Variants in IGDCC4 observed in about 807,000 individuals in gnomAD.
IGDCC4 encodes immunoglobulin superfamily DCC subclass member 4, also known as likely ortholog of mouse neighbor of Punc E11.
IGDCC4 carries 72 observed loss-of-function variants against 116.6 expected under a neutral mutation model. The ratio of observed to expected loss-of-function variants is 0.62; its 90% CI spans 0.51 to 0.75. IGDCC4 has a LOEUF of 0.75. Among genes scored for constraint, IGDCC4 ranks in the 30% least tolerant of loss-of-function variants. The pLI, the probability that IGDCC4 is intolerant of heterozygous loss-of-function variation, is 0.00. For synonymous variants in IGDCC4, 709 were observed against 719.9 expected, an observed-to-expected ratio of 0.98 and a Z score of 0.24; for missense variants, 1,501 against 1,662.4, an observed-to-expected ratio of 0.90 and a Z score of 1.69.
At chr15:65,391,079 A>C (rs900695896) in intron 12 of IGDCC4, among the ~76,000 whole-genome samples, 1 of 152,144 alleles carries the variant, frequency 6.6e-6, no homozygotes, top group Non-Finnish European at 1.5e-5. Flanking sequence ...CTAAAAATAC[A>C]AAAATTAGCC....
intron 1 of IGDCC4, among the ~76,000 whole-genome samples, chr15:65,415,606 G>A (rs773945074): frequency 6.6e-6 from 1 of 152,216 alleles, no homozygotes; most frequent in Non-Finnish European, 1.5e-5. Flanking sequence ...TGTGAAGCCT[G>A]AGAATCCTCA....
At position 65,402,422 on chromosome 15, in the gene IGDCC4, T is replaced by G; in HGVS notation, c.629A>C (p.Tyr210Ser). 2.6e-6 allele frequency: 4 copies of G among 1,567,974 alleles called. No homozygotes were observed. The highest frequency in any genetic ancestry group is 3.5e-6 in the Non-Finnish European group (4 of 1,155,672). Residue 210 changes from tyrosine (Y) to serine (S), a missense_variant, in exon 4 of 20, where the codon TAC (tyrosine) becomes TCC (serine). Tyr to Ser is a moderately radical substitution (Grantham distance 144). Around this residue, in one of 3 missense-constraint regions of IGDCC4, gnomAD observed 898 missense variants for 978.9 expected, o/e 0.92. Transcript: ENST00000352385. ...AGCTGAGTTGGTGGCCACGCAGCGG[T>G]AGGGGCCTGCATCACTCTCCTGAAC... ...LDVQESDAGP[Y>S]RCVATNSARQ...
In IGDCC4 at chr15:65,402,360, C is replaced by T. The variant is rs867802068; in HGVS notation, c.691G>A (p.Ala231Thr). 1.3e-6 allele frequency: 2 copies of T among 1,568,508 alleles called. No individual in the cohort carries two copies. Among genetic ancestry groups the T allele is most frequent in the African/African-American group, 1.4e-5 (1 of 73,926 alleles). Residue 231 changes from alanine to threonine, a missense_variant, in exon 4 of 20, where the codon GCC becomes ACC. Ala to Thr is a moderately conservative substitution (Grantham distance 58). Coordinates refer to ENST00000352385, the MANE Select transcript of IGDCC4 (RefSeq NM_020962.3). ...HFSQEALLSV[A>T]HRGSLASTRG... ...CAGCCAGCCCCCTTACCTCTGTGGG[C>T]CACACTGAGTAGGGCCTCCTGGCTG...
At chr15:65,391,487 G>A (rs116098040) in intron 12 of IGDCC4, among the ~76,000 whole-genome samples, 3,865 of 152,314 alleles carry the variant, frequency 0.025, 160 homozygotes, top group African/African-American at 0.088. Context: ...AGGTCACACA[G>A]GGATACTCAC....
chr15:65,422,258 C>T (rs2140249344), intron 1 of IGDCC4, among the ~76,000 whole-genome samples: 4 of 152,204 alleles, frequency 2.6e-5, no homozygotes, highest in Admixed American at 2.6e-4. Flanking sequence ...GCTCTGTCCC[C>T]CACTATGGGC....
At chr15:65,411,392 G>A in intron 1 of IGDCC4, 22 bp from the exon 2 acceptor site, 2 of 1,525,498 alleles carry the variant, frequency 1.3e-6, no homozygotes, top group Non-Finnish European at 8.8e-7. Flanking sequence ...AGGAGCACGG[G>A]GCCATCAGTG....
chr15:65,385,982 G>A lies in IGDCC4; in HGVS notation c.3029C>T (p.Pro1010Leu). ...CAATTCATGGGCAGCTGGGGGGCTG[G>A]GGGGGCCAAGCCGAGCTCTGGAGTA... is the stretch of plus-strand genomic sequence containing the variant. ...ALYSRARLGPPSPPAAHELES... is the reference protein window; with the variant it reads ...ALYSRARLGPLSPPAAHELES... The change falls in exon 18 of 20, where the codon CCC becomes CTC. Residue 1010 changes from proline (P) to leucine (L), a missense_variant. Pro to Leu is a moderately conservative substitution (Grantham distance 98, BLOSUM62 -3). Around this residue, in one of 3 missense-constraint regions of IGDCC4, gnomAD observed 368 missense variants for 355.6 expected, o/e 1.03. Coordinates refer to ENST00000352385, the MANE Select transcript of IGDCC4 (RefSeq NM_020962.3). The A allele has an allele frequency of 6.2e-7, 1 of 1,600,480 alleles. No individual in the cohort carries two copies. Among genetic ancestry groups the A allele is most frequent in the Non-Finnish European group, 8.5e-7 (1 of 1,174,120 alleles).
chr15:65,401,775 G>A lies in IGDCC4; in HGVS notation c.700+576C>T, dbSNP rs116824803. Reference sequence around the variant, plus strand: ...AGCTGGGCATTTGATAAGGAGCCCAGGGTCATGCAGATGGTGAGCAGAGAA... The same window carrying A: ...AGCTGGGCATTTGATAAGGAGCCCAAGGTCATGCAGATGGTGAGCAGAGAA... On this transcript the variant is annotated intron_variant, in intron 4 of 19. Coordinates refer to ENST00000352385, the MANE Select transcript of IGDCC4 (RefSeq NM_020962.3). Among the ~76,000 whole-genome samples, 809 of 152,314 alleles carry A rather than the reference G, an allele frequency of 5.3e-3. 14 individuals carry two copies. The highest frequency in any genetic ancestry group is 0.018 in the African/African-American group (764 of 41,566).
chr15:65,416,136 CT>C (rs60072640), intron 1 of IGDCC4, among the ~76,000 whole-genome samples: 135 of 77,600 alleles, frequency 1.7e-3, no homozygotes, highest in African/African-American at 5.0e-3. Context: ...AATGTTTTGA[CT>C]TTTTTTTTTT....
At chr15:65,392,015 G>A (rs2062871147) in intron 11 of IGDCC4, 34 bp from the exon 12 acceptor site, 2 of 1,573,762 alleles carry the variant, frequency 1.3e-6, no homozygotes, top group South Asian at 2.3e-5. Context: ...TGGCTAGGGG[G>A]ACATCTGGGG....
In IGDCC4 at chr15:65,384,158, C is replaced by T. The variant is rs1013748786; in HGVS notation, c.3604G>A (p.Glu1202Lys). 21 of 1,613,646 alleles carry T rather than the reference C, an allele frequency of 1.3e-5. No homozygotes were observed. The highest frequency in any genetic ancestry group is 6.7e-5 in the Admixed American group (4 of 59,974). The change falls in exon 20 of 20, where the codon GAG becomes AAG. Residue 1202 changes from glutamate to lysine, a missense_variant. This residue lies in a region of IGDCC4 where 368 missense variants were observed against 355.6 expected (regional missense o/e 1.03). Transcript: ENST00000352385. The surrounding 1 kb of genome is among the most constrained non-coding windows in gnomAD (Gnocchi z 4.9). ...TAGGAGCAGGAAGCACTGGCTGCCT[C>T]TGGCAAGCAGGTAAGTCTGTCTGGC... ...PGPDRLTCLPEAASASCSYPD... is the reference protein window; with the variant it reads ...PGPDRLTCLPKAASASCSYPD...
intron 12 of IGDCC4, among the ~76,000 whole-genome samples, chr15:65,390,791 T>A (rs1054090350): frequency 6.6e-6 from 1 of 152,178 alleles, no homozygotes; most frequent in Non-Finnish European, 1.5e-5. Context: ...ATAAACACTA[T>A]ATTTATAAGT....
At chr15:65,421,106 C>T (rs1231483583) in intron 1 of IGDCC4, among the ~76,000 whole-genome samples, 1 of 152,224 alleles carries the variant, frequency 6.6e-6, no homozygotes, top group East Asian at 1.9e-4. Context: ...CCAGGGCAAG[C>T]TGTTGTAGCC....
intron 1 of IGDCC4, among the ~76,000 whole-genome samples, chr15:65,418,996 G>T (rs943534165): frequency 1.3e-5 from 2 of 152,148 alleles, no homozygotes; most frequent in Non-Finnish European, 2.9e-5. Flanking sequence ...ACTTTGGGAA[G>T]TCACTCAGTT....
At chr15:65,415,419 C>T (rs180944161) in intron 1 of IGDCC4, among the ~76,000 whole-genome samples, 2 of 152,192 alleles carry the variant, frequency 1.3e-5, no homozygotes, top group Admixed American at 6.5e-5. Context: ...GGCTCCGATT[C>T]CCTTCCTGAA....
At chr15:65,385,223 CTG>C (rs1255636638) in intron 18 of IGDCC4, 108 bp from the exon 19 acceptor site, 8 of 1,125,068 alleles carry the variant, frequency 7.1e-6, no homozygotes, top group Non-Finnish European at 7.4e-6. Flanking sequence ...AGGGTCCAGA[CTG>C]TCACCCGCTG....
Position 65,382,782 on chromosome 15 carries a change from C to A in IGDCC4, c.*1227G>T, listed in dbSNP as rs2091413165. The A allele has an allele frequency of 6.6e-6, 1 of 152,170 alleles. No individual in the cohort carries two copies. The highest frequency in any genetic ancestry group is 1.5e-5 in the Non-Finnish European group (1 of 68,044). The allele number at this position is 152,170 out of a possible 1,614,324, so 9.4% of individuals were successfully genotyped here. A position where few individuals can be genotyped will look rare whatever the true frequency, so the allele number is the denominator to read the frequency against. ...AGCCTCACAGGGTGGGAAGGGCCTC[C>A]CTGAACTCTCACTCCCCTTCTCTTC... On this transcript the variant is annotated 3_prime_UTR_variant, in exon 20 of 20. Transcript: ENST00000352385.
rs2091429619 is a variant in IGDCC4 at position 65,384,187 on chromosome 15, G to T, written c.3575C>A (p.Pro1192His). ...CAAGCAGGTAAGTCTGTCTGGCCCG[G>T]GGGCTGCCAGCTCACACCCTCCCAA... is the stretch of plus-strand genomic sequence containing the variant. ...RELGGCELAA[P>H]GPDRLTCLPE... The change falls in exon 20 of 20, where the codon CCC becomes CAC. Residue 1192 changes from proline (P) to histidine (H), a missense_variant. Pro to His is a moderately conservative substitution (Grantham distance 77, BLOSUM62 -2). This residue lies in a region of IGDCC4 where 368 missense variants were observed against 355.6 expected (regional missense o/e 1.03). Transcript: ENST00000352385. This position sits in a 1 kb window ranked among gnomAD's most constrained non-coding sequence, Gnocchi z 4.9. 7 of 1,612,468 alleles carry T rather than the reference G, an allele frequency of 4.3e-6. No homozygotes were observed. The highest frequency in any genetic ancestry group is 1.3e-5 in the African/African-American group (1 of 74,868).
rs759694694 is a variant in IGDCC4 at position 65,388,823 on chromosome 15, A to G, written c.2692T>C (p.Leu898=). ...GAGCCCTCACCCTGCGTGGTGAGCA[A>G]GGTCCACTGGTGCTCAGGCTGCGTG... ...NHTQPEHQWT[L]LTTQGNIFSA... is the part of the protein sequence containing the mutation. Residue 898 remains leucine (L), a synonymous_variant, in exon 15 of 20, where the codon TTG becomes CTG. Transcript: ENST00000352385. 6.2e-7 allele frequency: 1 copy of G among 1,614,014 alleles called. No individual in the cohort carries two copies. The highest frequency in any genetic ancestry group is 1.1e-5 in the South Asian group (1 of 91,082).
Sources: allele counts gnomAD v4.1 joint callset (sites outside exome capture counted in the v4.1 genomes callset), GRCh38; gene constraint gnomAD v4.1.1; regional missense constraint gnomAD v4.1.1; non-coding constraint Gnocchi (gnomAD v3.1); transcripts MANE v1.5; gene names NCBI Gene and HGNC (gene_info 2026-07-23, HGNC 2026-07-21).